Variants in ZNF37A observed in about 807,000 individuals in gnomAD.
ZNF37A encodes the protein zinc finger protein 37A.
ZNF37A carries 10 observed loss-of-function variants against 12.3 expected under a neutral mutation model. That is an observed-to-expected ratio of 0.82 (90% CI 0.50 to 1.38). The LOEUF is 1.38. ZNF37A is among the 40% of genes most tolerant of loss of function. ZNF37A has a pLI of 0.00. For synonymous variants in ZNF37A, 207 were observed against 223.0 expected, an observed-to-expected ratio of 0.93 and a Z score of 0.64; for missense variants, 580 against 651.2, an observed-to-expected ratio of 0.89 and a Z score of 1.19.
At chr10:38,130,835 G>T (rs913851525) in intron 7 of ZNF37A, among the ~76,000 whole-genome samples, 5 of 152,064 alleles carry the variant, frequency 3.3e-5, no homozygotes, top group Non-Finnish European at 7.4e-5. Flanking sequence ...CAAGTGTTCT[G>T]ACTTCACCAC....
chr10:38,130,889 A>G (rs2070017230), intron 7 of ZNF37A, among the ~76,000 whole-genome samples: 1 of 152,154 alleles, frequency 6.6e-6, no homozygotes, highest in Non-Finnish European at 1.5e-5. Context: ...GTTAGCATAC[A>G]CATCTTACTA....
Position 38,120,453 on chromosome 10 carries a change from T to C in ZNF37A, c.*1616T>C, listed in dbSNP as rs1212053546. On this transcript the variant is annotated 3_prime_UTR_variant, in exon 8 of 8. Coordinates refer to ENST00000685332, the MANE Select transcript of ZNF37A (RefSeq NM_001324250.3). ...ACAAAAAAAAAGCAAAAATATACTTTGCTATTGGGTAAGGTATAGTAGTTG... is the reference window on the plus strand; with the variant it reads ...ACAAAAAAAAAGCAAAAATATACTTCGCTATTGGGTAAGGTATAGTAGTTG... 1.3e-5 allele frequency: 2 copies of C among 151,992 alleles called. No homozygotes were observed. The highest frequency in any genetic ancestry group is 2.4e-5 in the African/African-American group (1 of 41,390). The allele number at this position is 151,992 out of a possible 1,614,324, so 9.4% of individuals were successfully genotyped here.
intron 5 of ZNF37A, among the ~76,000 whole-genome samples, chr10:38,108,278 A>C (rs1196987516): frequency 1.3e-5 from 2 of 152,240 alleles, no homozygotes; most frequent in East Asian, 3.8e-4. Flanking sequence ...TTAAGGCAGA[A>C]ATAAAAAGTT....
At chr10:38,099,557 T>G (rs1195818696) in intron 5 of ZNF37A, among the ~76,000 whole-genome samples, 2 of 151,162 alleles carry the variant, frequency 1.3e-5, no homozygotes, top group African/African-American at 4.8e-5. Context: ...TTAACTGTTG[T>G]GAATAATGTT....
At position 38,094,390 on chromosome 10, in the gene ZNF37A, T is replaced by C. The variant is rs1564903427; in HGVS notation, c.-592T>C. ...GTCGCGGGAGCCGCTTCGGGCCTTCTGGGCATGTCTGCCATATGGCTCCAG... is the reference window on the plus strand; with the variant it reads ...GTCGCGGGAGCCGCTTCGGGCCTTCCGGGCATGTCTGCCATATGGCTCCAG... On this transcript the variant is annotated 5_prime_UTR_variant, in exon 1 of 8. Transcript: ENST00000685332. 6.6e-6 allele frequency: 1 copy of C among 152,242 alleles called. No individual in the cohort carries two copies. Among genetic ancestry groups the C allele is most frequent in the Non-Finnish European group, 1.5e-5 (1 of 68,076 alleles). 9.4% of individuals were successfully genotyped at this position (152,242 alleles called of 1,614,324 possible). A position where few individuals can be genotyped will look rare whatever the true frequency, so the allele number is the denominator to read the frequency against.
At chr10:38,115,050 T>A in intron 6 of ZNF37A, 145 bp from the exon 7 acceptor site, 1 of 1,203,976 alleles carries the variant, frequency 8.3e-7, no homozygotes, top group Non-Finnish European at 1.2e-6. Context: ...TCTGCCCCCA[T>A]GACAGGATTA....
At chr10:38,126,279 T>G (rs2069925153), downstream of ZNF37A, among the ~76,000 whole-genome samples, 1 of 152,230 alleles carries the variant, frequency 6.6e-6, no homozygotes. Context: ...CTGTTGGCAG[T>G]TGACTAACTC....
Position 38,124,594 on chromosome 10 carries a change from TAAAAATA to T in ZNF37A, c.*5760_*5766del, listed in dbSNP as rs2069891346. 1 of 152,112 alleles carries T rather than the reference TAAAAATA, an allele frequency of 6.6e-6. No homozygotes were observed. Among genetic ancestry groups the T allele is most frequent in the Non-Finnish European group, 1.5e-5 (1 of 68,018 alleles). 9.4% of individuals were successfully genotyped at this position (152,112 alleles called of 1,614,324 possible). A position where few individuals can be genotyped will look rare whatever the true frequency, so the allele number is the denominator to read the frequency against. On this transcript the variant is annotated 3_prime_UTR_variant, in exon 8 of 8. Coordinates refer to ENST00000685332, the MANE Select transcript of ZNF37A (RefSeq NM_001324250.3). ...ACACCTAGTATGTACCCACAAAAAT[TAAAAATA>T]AAGTAAAATTTCAATGATTAGGAAG...
At chr10:38,141,833 GGT>G (rs1169817897) in intron 7 of ZNF37A, 2 of 152,144 alleles carry the variant, frequency 1.3e-5, no homozygotes, top group African/African-American at 4.8e-5. Flanking sequence ...AAGCGGGCTG[GGT>G]GTGGTGGCTC....
chr10:38,098,594 C>T (rs1169775638), intron 5 of ZNF37A, among the ~76,000 whole-genome samples: 2 of 152,030 alleles, frequency 1.3e-5, no homozygotes, highest in African/African-American at 2.4e-5. Flanking sequence ...GGTCTTCTTT[C>T]CTTCATTAAT....
In ZNF37A at chr10:38,094,474, G is replaced by A. The variant is rs1244183958; in HGVS notation, c.-508G>A. On this transcript the variant is annotated 5_prime_UTR_variant, in exon 1 of 8. Coordinates refer to ENST00000685332, the MANE Select transcript of ZNF37A (RefSeq NM_001324250.3). Reference sequence around the variant, plus strand: ...GGCTCCCGGCATCTCCTGGCGTCCGGGTAGAGGACGCGGAGGGTGAGTAAG... The same window carrying A: ...GGCTCCCGGCATCTCCTGGCGTCCGAGTAGAGGACGCGGAGGGTGAGTAAG... 1.3e-5 allele frequency: 2 copies of A among 152,262 alleles called. No homozygotes were observed. Among genetic ancestry groups the A allele is most frequent in the Non-Finnish European group, 2.9e-5 (2 of 68,074 alleles). The allele number at this position is 152,262 out of a possible 1,614,324, so 9.4% of individuals were successfully genotyped here. A position where few individuals can be genotyped will look rare whatever the true frequency, so the allele number is the denominator to read the frequency against.
intron 5 of ZNF37A, 113 bp from the exon 6 acceptor site, chr10:38,114,642 C>T: frequency 1.5e-6 from 2 of 1,369,894 alleles, no homozygotes; most frequent in South Asian, 2.4e-5. Context: ...CCCTTTATAA[C>T]AGTTTCTATT....
chr10:38,108,988 C>G (rs1013060760), intron 5 of ZNF37A, among the ~76,000 whole-genome samples: 1 of 152,102 alleles, frequency 6.6e-6, no homozygotes, highest in African/African-American at 2.4e-5. Context: ...TTTTATGAGG[C>G]CAGCATCATC....
intron 5 of ZNF37A, among the ~76,000 whole-genome samples, chr10:38,101,837 T>G (rs2067609585): frequency 6.7e-6 from 1 of 149,554 alleles, no homozygotes; most frequent in African/African-American, 2.4e-5. Flanking sequence ...TTTTTTTTTT[T>G]TTTGAGACAG....
At chr10:38,115,038 C>A (rs2069135161) in intron 6 of ZNF37A, among the ~76,000 whole-genome samples, 157 bp downstream of exon 6, 1 of 148,300 alleles carries the variant, frequency 6.7e-6, no homozygotes, top group African/African-American at 2.5e-5. Context: ...AGAATGTTTT[C>A]CTCTGCCCCC....
chr10:38,126,499 T>A (rs1398371516), downstream of ZNF37A, among the ~76,000 whole-genome samples: 3 of 152,224 alleles, frequency 2.0e-5, no homozygotes, highest in African/African-American at 7.2e-5. Context: ...AATACTCGTC[T>A]TAGTGACTGG....
intron 5 of ZNF37A, among the ~76,000 whole-genome samples, chr10:38,100,017 A>C (rs1423959158): frequency 6.6e-6 from 1 of 152,294 alleles, no homozygotes; most frequent in Non-Finnish European, 1.5e-5. Context: ...AAAGGGACAG[A>C]GTATAAAAGA....
Position 38,107,649 on chromosome 10 carries a change from G to A in ZNF37A, c.16-7106G>A, listed in dbSNP as rs1363294418. ...AGACACACATAGGCTCAAAATAAAG[G>A]GATGGAGGAATATTTACCAAGCAAT... On this transcript the variant is annotated intron_variant, in intron 5 of 7. Coordinates refer to ENST00000685332, the MANE Select transcript of ZNF37A (RefSeq NM_001324250.3). Among the ~76,000 whole-genome samples the A allele has an allele frequency of 2.0e-5, 3 of 152,148 alleles. No individual in the cohort carries two copies. In the South Asian group the frequency reaches 6.2e-4, roughly 32 times the overall value.
At chr10:38,110,018 A>G (rs760265481) in intron 5 of ZNF37A, among the ~76,000 whole-genome samples, 5 of 152,256 alleles carry the variant, frequency 3.3e-5, no homozygotes, top group Non-Finnish European at 5.9e-5. Flanking sequence ...GAACCAAAAA[A>G]GAGCCTGGAT....
Sources: gnomAD v4.1 joint callset for allele counts (sites outside exome capture counted in the v4.1 genomes callset) on GRCh38, gnomAD v4.1.1 for gene constraint, MANE v1.5 for transcripts, NCBI Gene and HGNC (gene_info 2026-07-23, HGNC 2026-07-21) for gene names.